Variants in TMEFF2 observed in about 807,000 individuals in gnomAD.
TMEFF2 encodes tomoregulin-2.
A neutral mutation model predicts 53.8 loss-of-function variants in TMEFF2; 28 were observed. The ratio of observed to expected loss-of-function variants is 0.52; its 90% CI spans 0.39 to 0.71. The LOEUF (loss-of-function observed/expected upper bound fraction) is 0.71. Ranked by LOEUF, TMEFF2 falls within the 30% of genes least tolerant of loss-of-function variation. The pLI is 0.00. For synonymous variants in TMEFF2, 162 were observed against 166.3 expected (o/e 0.97, Z 0.20); for missense variants, 353 against 455.2 (o/e 0.78, Z 2.04).
intron 5 of TMEFF2, chr2:192,029,014 C>T (rs10205195): frequency 0.98 from 149,622 of 152,244 alleles, 73,568 homozygotes; most frequent in East Asian, 1. Context: ...AGGGACTTCA[C>T]ATATTTCTTT....
chr2:192,016,938 C>CA (rs1196231166), intron 5 of TMEFF2, among the ~76,000 whole-genome samples: 2 of 151,994 alleles, frequency 1.3e-5, no homozygotes, highest in Admixed American at 6.6e-5. Context: ...GAGGAAAAGA[C>CA]AAAAAAATTA....
chr2:192,131,942 C>T (rs1209740750), intron 4 of TMEFF2, among the ~76,000 whole-genome samples: 1 of 152,152 alleles, frequency 6.6e-6, no homozygotes, highest in Non-Finnish European at 1.5e-5. Flanking sequence ...GCCTGACGTC[C>T]AGGCATTCTT....
chr2:192,193,982 A>G (rs1691538501), intron 1 of TMEFF2, among the ~76,000 whole-genome samples: 1 of 152,064 alleles, frequency 6.6e-6, no homozygotes. Context: ...TCATCCTAGT[A>G]AGACTTTTTT....
At chr2:192,192,051 G>A in intron 1 of TMEFF2, 62 bp from the exon 2 acceptor site, 1 of 1,180,308 alleles carries the variant, frequency 8.5e-7, no homozygotes. Context: ...ACAAAAAAAA[G>A]CACTACTTTG....
chr2:192,136,516 A>G (rs1690011328), intron 4 of TMEFF2, among the ~76,000 whole-genome samples: 1 of 152,166 alleles, frequency 6.6e-6, no homozygotes, highest in Non-Finnish European at 1.5e-5. Context: ...CTTTTCCTAT[A>G]TTAGGTGATG....
intron 4 of TMEFF2, among the ~76,000 whole-genome samples, chr2:192,119,291 T>G (rs1689489549): frequency 6.6e-6 from 1 of 152,200 alleles, no homozygotes; most frequent in Non-Finnish European, 1.5e-5. Flanking sequence ...GTATATAACA[T>G]TTTGCATAAT....
At chr2:192,057,231 G>A (rs1449656073) in intron 5 of TMEFF2, among the ~76,000 whole-genome samples, 2 of 151,714 alleles carry the variant, frequency 1.3e-5, no homozygotes, top group Admixed American at 6.6e-5. Context: ...TTTTTTTTAT[G>A]GAGATGTGGG....
chr2:192,006,069 T>TG (rs11382810), intron 5 of TMEFF2, among the ~76,000 whole-genome samples: 4,703 of 151,576 alleles, frequency 0.031, 262 homozygotes, highest in African/African-American at 0.11. Flanking sequence ...ACTTTTTTTT[T>TG]TTTTTTTAAC....
chr2:192,157,494 A>G (rs1249809255), intron 4 of TMEFF2, among the ~76,000 whole-genome samples: 2 of 152,092 alleles, frequency 1.3e-5, no homozygotes, highest in African/African-American at 4.8e-5. Context: ...TGACTAAAAA[A>G]CAAAATAGCT....
chr2:191,959,273 GTTTCCTGTTTAAA>G (rs1402073689), intron 7 of TMEFF2, among the ~76,000 whole-genome samples: 1 of 152,172 alleles, frequency 6.6e-6, no homozygotes, highest in Admixed American at 6.5e-5. Flanking sequence ...TCCTCAACTA[GTTTCCTGTTTAAA>G]TGTTTACAAA....
intron 7 of TMEFF2, among the ~76,000 whole-genome samples, chr2:191,997,617 C>A (rs1686254049): frequency 6.6e-6 from 1 of 151,312 alleles, no homozygotes; most frequent in Admixed American, 6.6e-5. Flanking sequence ...CAGTTGTATA[C>A]CCATGAATTA....
chr2:192,145,465 A>G (rs1194167057), intron 4 of TMEFF2, among the ~76,000 whole-genome samples: 1 of 152,028 alleles, frequency 6.6e-6, no homozygotes, highest in Non-Finnish European at 1.5e-5. Context: ...CCTTGGCAGT[A>G]GCAAGGAATT....
chr2:192,032,573 A>C (rs149472915), intron 5 of TMEFF2: 1 of 152,302 alleles, frequency 6.6e-6, no homozygotes, highest in Non-Finnish European at 1.5e-5. Flanking sequence ...CTTTACAGTT[A>C]CAAGCGGTAA....
intron 4 of TMEFF2, among the ~76,000 whole-genome samples, chr2:192,105,525 A>G (rs1689126409): frequency 1.3e-5 from 2 of 151,944 alleles, no homozygotes; most frequent in South Asian, 4.1e-4. Context: ...TTTTGTGAAT[A>G]ATGAAATGGT....
intron 4 of TMEFF2, among the ~76,000 whole-genome samples, chr2:192,112,542 G>A (rs563364320): frequency 1.1e-4 from 16 of 152,262 alleles, no homozygotes; most frequent in African/African-American, 3.6e-4. Flanking sequence ...GACTTGCCTT[G>A]TCTCCGATGA....
intron 4 of TMEFF2, among the ~76,000 whole-genome samples, chr2:192,113,453 T>C (rs762478576): frequency 2.6e-5 from 4 of 152,146 alleles, no homozygotes; most frequent in Non-Finnish European, 5.9e-5. Flanking sequence ...ACTGGTCTTA[T>C]GGTTACGCAA....
At chr2:192,034,354 T>G (rs1333689386) in intron 5 of TMEFF2, among the ~76,000 whole-genome samples, 1 of 152,132 alleles carries the variant, frequency 6.6e-6, no homozygotes, top group Admixed American at 6.5e-5. Context: ...TTATGAGAAG[T>G]AGTCAAAGAT....
intron 7 of TMEFF2, among the ~76,000 whole-genome samples, chr2:191,987,248 G>A (rs1207385199): frequency 1.3e-5 from 2 of 152,084 alleles, no homozygotes; most frequent in African/African-American, 4.8e-5. Context: ...GAGGTGGGAG[G>A]GAAATGAGGA....
intron 4 of TMEFF2, among the ~76,000 whole-genome samples, chr2:192,165,760 T>A (rs1690749736): frequency 6.7e-6 from 1 of 150,332 alleles, no homozygotes; most frequent in South Asian, 2.1e-4. Context: ...AAAAAAAAAA[T>A]TAGAGACTTT....
Sources: allele counts gnomAD v4.1 joint callset (sites outside exome capture counted in the v4.1 genomes callset), GRCh38; gene constraint gnomAD v4.1.1; transcripts MANE v1.5; gene names NCBI Gene and HGNC (gene_info 2026-07-23, HGNC 2026-07-21).